Variants in ACBD6 observed in about 807,000 individuals in gnomAD.
ACBD6 encodes acyl-CoA-binding domain-containing protein 6.
In ACBD6, 28 loss-of-function variants were observed where a neutral mutation model predicts 37.2. The observed-to-expected ratio is 0.75, with a 90% confidence interval of 0.56 to 1.03. The LOEUF is 1.03. ACBD6 is among the 50% of genes least tolerant of loss of function. ACBD6 has a pLI of 0.00. For missense variants in ACBD6, 340 were observed against 337.4 expected (o/e 1.01, Z -0.06); for synonymous variants, 113 against 126.8 (o/e 0.89, Z 0.73).
intron 3 of ACBD6, among the ~76,000 whole-genome samples, chr1:180,454,762 T>C (rs895216279): frequency 1.3e-5 from 2 of 151,904 alleles, no homozygotes; most frequent in African/African-American, 2.4e-5. Context: ...AACAAACATA[T>C]GAAAAAAAGC....
chr1:180,351,603 G>A (rs1242618147), intron 6 of ACBD6, among the ~76,000 whole-genome samples: 1 of 61,552 alleles, frequency 1.6e-5, no homozygotes, highest in African/African-American at 6.5e-5. Flanking sequence ...TTTTTTTTTT[G>A]ATAGGGCATT....
At chr1:180,320,050 C>CAA (rs901256911) in intron 6 of ACBD6, among the ~76,000 whole-genome samples, 22 of 152,130 alleles carry the variant, frequency 1.4e-4, no homozygotes, top group African/African-American at 5.3e-4. Context: ...CCTATGATAG[C>CAA]TCTATTTTTA....
rs376122147 is a variant in ACBD6 at position 180,466,318 on chromosome 1, A to G, written c.384+25951T>C. ...TGTTAAAGCAACAAACCAACAACAT[A>G]AAATTGAAATGTAAACATAACATAG... On this transcript the variant is annotated intron_variant, in intron 3 of 7. Coordinates refer to ENST00000367595, the MANE Select transcript of ACBD6 (RefSeq NM_032360.4). 2.0e-5 allele frequency among the ~76,000 whole-genome samples: 3 copies of G among 152,236 alleles called. No individual in the cohort carries two copies. In the East Asian group the frequency reaches 5.8e-4, roughly 29 times the overall value.
At chr1:180,331,812 T>C (rs1651495116) in intron 6 of ACBD6, among the ~76,000 whole-genome samples, 1 of 152,210 alleles carries the variant, frequency 6.6e-6, no homozygotes, top group African/African-American at 2.4e-5. Context: ...AAATGGTATG[T>C]CATTTGGCTC....
At chr1:180,358,564 A>AAC (rs1553297719) in intron 6 of ACBD6, among the ~76,000 whole-genome samples, 4 of 150,586 alleles carry the variant, frequency 2.7e-5, no homozygotes, top group African/African-American at 9.7e-5. Flanking sequence ...CCCAAAAAAA[A>AAC]CCCCAAAAGA....
intron 6 of ACBD6, among the ~76,000 whole-genome samples, chr1:180,335,098 T>A (rs1651648737): frequency 6.6e-6 from 1 of 152,094 alleles, no homozygotes; most frequent in Admixed American, 6.5e-5. Flanking sequence ...CAGGATATTA[T>A]CCAGGAGAAC....
chr1:180,374,877 A>G (rs7538219), intron 6 of ACBD6, among the ~76,000 whole-genome samples: 113,794 of 152,018 alleles, frequency 0.75, 44,621 homozygotes, highest in Non-Finnish European at 0.88. Context: ...TATAGCAAAA[A>G]TATTAAACAT....
At chr1:180,280,771 G>A (rs912117716) in intron 9 of ACBD6, among the ~76,000 whole-genome samples, 4 of 152,212 alleles carry the variant, frequency 2.6e-5, no homozygotes, top group African/African-American at 9.6e-5. Context: ...TGTACATAAG[G>A]TCTTTTTTTC....
chr1:180,502,166 G>C lies in ACBD6; in HGVS notation c.101C>G (p.Pro34Arg), dbSNP rs1207691363. The C allele has an allele frequency of 1.2e-6, 2 of 1,614,124 alleles. No individual in the cohort carries two copies. The highest frequency in any genetic ancestry group is 1.7e-6 in the Non-Finnish European group (2 of 1,180,024). The change falls in exon 1 of 8, where the codon CCT becomes CGT. Residue 34 changes from proline to arginine, a missense_variant. Pro to Arg is a moderately radical substitution (Grantham distance 103, BLOSUM62 -2). Coordinates refer to ENST00000367595, the MANE Select transcript of ACBD6 (RefSeq NM_032360.4). ...CAGGCAACTGGTCTCCTCGATCTCA[G>C]GGCTATGGGGGAACTCCACCTCCCC... ...DSGEVEFPHS[P>R]EIEETSCLAE... is the part of the protein sequence containing the mutation.
chr1:180,409,528 G>A (rs1647767983), intron 5 of ACBD6, among the ~76,000 whole-genome samples: 1 of 152,126 alleles, frequency 6.6e-6, no homozygotes, highest in Non-Finnish European at 1.5e-5. Context: ...TCACACTGAG[G>A]TAATTCTTGC....
intron 6 of ACBD6, among the ~76,000 whole-genome samples, chr1:180,322,741 CTTT>C (rs550001607): frequency 7.1e-6 from 1 of 141,042 alleles, no homozygotes; most frequent in Non-Finnish European, 1.6e-5. Context: ...TGGGTCTTCT[CTTT>C]TTTTTTTTTA....
chr1:180,421,857 G>GTT (rs533004062), intron 4 of ACBD6, among the ~76,000 whole-genome samples: 77 of 151,172 alleles, frequency 5.1e-4, no homozygotes, highest in Middle Eastern at 3.4e-3. Context: ...ACTTTCTAAT[G>GTT]TTTTTTTTTC....
intron 3 of ACBD6, among the ~76,000 whole-genome samples, chr1:180,448,769 A>ACTGCTTC (rs1649579200): frequency 6.6e-6 from 1 of 152,192 alleles, no homozygotes; most frequent in East Asian, 1.9e-4. Flanking sequence ...TAGGTACTCT[A>ACTGCTTC]CTGCTTCCTT....
chr1:180,454,875 T>C (rs1439785468), intron 3 of ACBD6, among the ~76,000 whole-genome samples: 3 of 152,174 alleles, frequency 2.0e-5, no homozygotes, highest in Non-Finnish European at 4.4e-5. Flanking sequence ...AAACTACAGG[T>C]ACTGGAGAGG....
chr1:180,320,350 T>G (rs1042212750), intron 6 of ACBD6, among the ~76,000 whole-genome samples: 1 of 152,180 alleles, frequency 6.6e-6, no homozygotes, highest in African/African-American at 2.4e-5. Context: ...AAAATCTGAT[T>G]ATTAGGCCAA....
chr1:180,349,015 T>C (rs997518829), intron 6 of ACBD6, among the ~76,000 whole-genome samples: 1 of 151,816 alleles, frequency 6.6e-6, no homozygotes, highest in African/African-American at 2.4e-5. Flanking sequence ...ATTCACAGCA[T>C]TTATAGGCGA....
At chr1:180,401,480 T>TA (rs553076355) in intron 5 of ACBD6, among the ~76,000 whole-genome samples, 5 of 151,168 alleles carry the variant, frequency 3.3e-5, no homozygotes, top group Non-Finnish European at 5.9e-5. Context: ...ATCACAAAAT[T>TA]AAAAAAAAGA....
At chr1:180,462,929 C>A (rs1374598045) in intron 3 of ACBD6, among the ~76,000 whole-genome samples, 1 of 152,162 alleles carries the variant, frequency 6.6e-6, no homozygotes, top group Non-Finnish European at 1.5e-5. Flanking sequence ...GAAATTCACT[C>A]AAAACCATAC....
chr1:180,348,774 T>C lies in ACBD6; in HGVS notation c.664-34052A>G, dbSNP rs574201073. ...AATTCATTTTTTTGATATACAAATG[T>C]TCCTTATTTCTTGTCTGCTATATTC... On this transcript the variant is annotated intron_variant, in intron 6 of 7. Coordinates refer to ENST00000367595, the MANE Select transcript of ACBD6 (RefSeq NM_032360.4). Among the ~76,000 whole-genome samples the C allele has an allele frequency of 2.0e-5, 3 of 152,330 alleles. No individual in the cohort carries two copies. The South Asian group carries it at 6.2e-4, about 32-fold the overall frequency.
Sources: gnomAD v4.1 joint callset for allele counts (sites outside exome capture counted in the v4.1 genomes callset) on GRCh38, gnomAD v4.1.1 for gene constraint, MANE v1.5 for transcripts, NCBI Gene and HGNC (gene_info 2026-07-23, HGNC 2026-07-21) for gene names.